ZNF563: variants seen among roughly 807,000 people sequenced by gnomAD.
ZNF563 encodes the protein zinc finger protein 563.
In ZNF563, 39 loss-of-function variants were observed where a neutral mutation model predicts 48.5. The observed-to-expected ratio is 0.80, with a 90% CI of 0.62 to 1.05. ZNF563 has a LOEUF of 1.05. Among genes scored for constraint, ZNF563 ranks in the 50% least tolerant of loss-of-function variants. The probability of loss-of-function intolerance (pLI) is 0.00; values close to 1 mark genes in which losing one functional copy is unlikely to be tolerated. For synonymous variants in ZNF563, 168 were observed against 187.9 expected, an observed-to-expected ratio of 0.89 and a Z score of 0.87; for missense variants, 538 against 597.0, an observed-to-expected ratio of 0.90 and a Z score of 1.03.
intron 2 of ZNF563, among the ~76,000 whole-genome samples, chr19:12,321,860 C>T (rs968837498): frequency 6.6e-6 from 1 of 152,108 alleles, no homozygotes; most frequent in Non-Finnish European, 1.5e-5. Context: ...TCTTACTTAG[C>T]CTTCTCAATG....
At position 12,318,273 on chromosome 19, in the gene ZNF563, G is replaced by C. The variant is rs187625995; in HGVS notation, c.*321C>G. ...CACCCTAAGTGCTGGGATTACAGGC[G>C]TGAGCCACTGTGCCCAGCCTCATGT... On this transcript the variant is annotated 3_prime_UTR_variant, in exon 4 of 4. Coordinates refer to ENST00000293725, the MANE Select transcript of ZNF563 (RefSeq NM_145276.3). 8.9e-6 allele frequency: 3 copies of C among 337,802 alleles called. No homozygotes were observed. Among genetic ancestry groups the C allele is most frequent in the Non-Finnish European group, 1.6e-5 (3 of 184,076 alleles). The allele number at this position is 337,802 out of a possible 1,614,324, so 20.9% of individuals were successfully genotyped here.
At chr19:12,324,720 G>GAAAAAAAAAAAAAA (rs61639995) in intron 1 of ZNF563, among the ~76,000 whole-genome samples, 1 of 56,794 alleles carries the variant, frequency 1.8e-5, no homozygotes, top group African/African-American at 6.0e-5. Context: ...TCCGTCTCAA[G>GAAAAAAAAAAAAAA]AAAAAAAAAA....
chr19:12,331,083 T>C (rs1214899798), intron 1 of ZNF563, among the ~76,000 whole-genome samples: 1 of 152,172 alleles, frequency 6.6e-6, no homozygotes, highest in Non-Finnish European at 1.5e-5. Context: ...TAAAGGCATA[T>C]AGGACTAGAT....
intron 1 of ZNF563, among the ~76,000 whole-genome samples, chr19:12,324,104 T>C (rs1329322940): frequency 6.6e-6 from 1 of 152,142 alleles, no homozygotes. Flanking sequence ...ATGCCTGTAA[T>C]CTCAGTACTT....
intron 1 of ZNF563, among the ~76,000 whole-genome samples, chr19:12,329,843 G>C (rs934858849): frequency 6.6e-6 from 1 of 152,128 alleles, no homozygotes; most frequent in African/African-American, 2.4e-5. Flanking sequence ...AATACTTATG[G>C]AAGAAATGAT....
At position 12,321,850 on chromosome 19, in the gene ZNF563, TCTTA is replaced by T. The variant is rs1361792785; in HGVS notation, c.131-522_131-519del. Among the ~76,000 whole-genome samples the T allele has an allele frequency of 1.7e-4, 26 of 152,244 alleles. No homozygotes were observed. In the East Asian group the frequency reaches 4.1e-3, roughly 24 times the overall value. On this transcript the variant is annotated intron_variant, in intron 2 of 3. Transcript: ENST00000293725. The stretch of plus-strand genomic sequence containing the variant: ...CTAAGACACCAAGATCAATCCCTCC[TCTTA>T]CTTAGCCTTCTCAATGTAAAGATAA...
intron 1 of ZNF563, among the ~76,000 whole-genome samples, chr19:12,329,472 C>CAAAAAAA (rs754295632): frequency 1.6e-4 from 12 of 75,750 alleles, no homozygotes; most frequent in East Asian, 3.6e-4. Flanking sequence ...GACTCCATCT[C>CAAAAAAA]AAAAAAAAAA....
At chr19:12,347,147 A>G in the ZNF563 span, 2 of 152,166 alleles carry the variant, frequency 1.3e-5, no homozygotes, top group Non-Finnish European at 2.9e-5. Flanking sequence ...TATTTGAGAT[A>G]TATTTCACTA....
chr19:12,326,687 C>A (rs568914875), intron 1 of ZNF563, among the ~76,000 whole-genome samples: 2 of 151,576 alleles, frequency 1.3e-5, no homozygotes, highest in Admixed American at 1.3e-4. Flanking sequence ...ATTGAATCTA[C>A]CCATTCACAG....
rs1209856537 is a variant in ZNF563, at chr19:12,318,109, C to T, written c.*485G>A. ...CCCCCACCCCTTGGGCTCAAGAGAT[C>T]TTCCCACCTCAGCCTCCCAAGTAGC... On this transcript the variant is annotated 3_prime_UTR_variant, in exon 4 of 4. Coordinates refer to ENST00000293725, the MANE Select transcript of ZNF563 (RefSeq NM_145276.3). 6.0e-6 allele frequency: 1 copy of T among 167,642 alleles called. No individual in the cohort carries two copies. The highest frequency in any genetic ancestry group is 5.8e-5 in the Admixed American group (1 of 17,174). The allele number at this position is 167,642 out of a possible 1,614,324, so 10.4% of individuals were successfully genotyped here. A position where few individuals can be genotyped will look rare whatever the true frequency, so the allele number is the denominator to read the frequency against.
chr19:12,336,895 A>G (rs1969026615), upstream of ZNF563, among the ~76,000 whole-genome samples: 1 of 152,210 alleles, frequency 6.6e-6, no homozygotes, highest in Admixed American at 6.5e-5. Context: ...TTGTACAAAT[A>G]CATTTTCCTT....
chr19:12,335,732 A>G (rs1224016069), upstream of ZNF563, among the ~76,000 whole-genome samples: 1 of 152,218 alleles, frequency 6.6e-6, no homozygotes, highest in Non-Finnish European at 1.5e-5. Flanking sequence ...AGAACAATCT[A>G]GACACACAGG....
At position 12,319,289 on chromosome 19, in the gene ZNF563, T is replaced by C; in HGVS notation, c.736A>G (p.Met246Val). ...FYSSYRRHERMHTGEKPYECK... is the reference protein window; with the variant it reads ...FYSSYRRHERVHTGEKPYECK... ...TCATACGGTTTCTCCCCAGTGTGCA[T>C]TCTCTCATGTCTTCGATAGGAACTG... Residue 246 changes from methionine to valine, a missense_variant, in exon 4 of 4, where the codon ATG becomes GTG. Physicochemically the swap from Met to Val is conservative, Grantham distance 21 (BLOSUM62 1). Coordinates refer to ENST00000293725, the MANE Select transcript of ZNF563 (RefSeq NM_145276.3). The C allele has an allele frequency of 6.2e-7, 1 of 1,614,064 alleles. No individual in the cohort carries two copies. Among genetic ancestry groups the C allele is most frequent in the South Asian group, 1.1e-5 (1 of 91,056 alleles).
rs1480000425 is a variant in ZNF563 at position 12,319,152 on chromosome 19, A to T, written c.873T>A (p.Ser291Arg). 6.2e-7 allele frequency: 1 copy of T among 1,614,200 alleles called. No homozygotes were observed. Among genetic ancestry groups the T allele is most frequent in the Non-Finnish European group, 8.5e-7 (1 of 1,180,034 alleles). The change falls in exon 4 of 4, where the codon AGT (serine) becomes AGA (arginine). Residue 291 changes from serine to arginine, a missense_variant. Ser to Arg is a moderately radical substitution (Grantham distance 110, BLOSUM62 -1). Transcript: ENST00000293725. Reference protein sequence around the residue: ...YTCKQCGKAFSVSSSLRRHET... With the variant: ...YTCKQCGKAFRVSSSLRRHET... Reference sequence around the variant, plus strand: ...CATGTCTTCGAAGGGAACTGGAAACACTGAAGGCTTTCCCACACTGTTTAC... The same window carrying T: ...CATGTCTTCGAAGGGAACTGGAAACTCTGAAGGCTTTCCCACACTGTTTAC...
chr19:12,328,884 T>G (rs943216921), intron 1 of ZNF563, among the ~76,000 whole-genome samples: 2 of 152,048 alleles, frequency 1.3e-5, no homozygotes, highest in Admixed American at 1.3e-4. Flanking sequence ...AGTGGAGATT[T>G]AAGCCACAAA....
the ZNF563 span, among the ~76,000 whole-genome samples, chr19:12,343,807 C>T: frequency 2.3e-4 from 34 of 149,384 alleles, no homozygotes; most frequent in East Asian, 7.9e-4. Context: ...CTTGGCTCAC[C>T]GTAAGCTCTG....
chr19:12,333,303 C>G (rs768766602), intron 1 of ZNF563, among the ~76,000 whole-genome samples, 177 bp downstream of exon 1: 6 of 152,248 alleles, frequency 3.9e-5, no homozygotes, highest in African/African-American at 1.2e-4. Flanking sequence ...GGGGTCCCGG[C>G]TGCCAGCTCA....
the ZNF563 span, chr19:12,346,191 G>T: frequency 1.3e-5 from 2 of 151,968 alleles, no homozygotes; most frequent in African/African-American, 4.8e-5. Context: ...AAAAAAGAAA[G>T]AAATTTTCTA....
Position 12,319,279 on chromosome 19 carries a change from C to A in ZNF563, c.746G>T (p.Gly249Val). ...CTGCTTACATTCATACGGTTTCTCC[C>A]CAGTGTGCATTCTCTCATGTCTTCG... ...SYRRHERMHT[G>V]EKPYECKQCS... The change falls in exon 4 of 4, where the codon GGG becomes GTG. Residue 249 changes from glycine (G) to valine (V), a missense_variant. Coordinates refer to ENST00000293725, the MANE Select transcript of ZNF563 (RefSeq NM_145276.3). 1.2e-6 allele frequency: 2 copies of A among 1,614,004 alleles called. No homozygotes were observed. Among genetic ancestry groups the A allele is most frequent in the Non-Finnish European group, 1.7e-6 (2 of 1,179,972 alleles).
Sources: allele counts gnomAD v4.1 joint callset (sites outside exome capture counted in the v4.1 genomes callset), GRCh38; gene constraint gnomAD v4.1.1; transcripts MANE v1.5; gene names NCBI Gene and HGNC (gene_info 2026-07-23, HGNC 2026-07-21).